The following CALCRL variants were observed in gnomAD, a reference collection of about 807,000 sequenced individuals.
CALCRL encodes the protein calcitonin gene-related peptide type 1 receptor.
A neutral mutation model predicts 60.4 loss-of-function variants in CALCRL; 27 were observed. The ratio of observed to expected loss-of-function variants is 0.45; its 90% CI spans 0.33 to 0.62. The LOEUF is 0.62. Ranked by LOEUF, CALCRL falls within the 20% of genes least tolerant of loss-of-function variation. The pLI is 0.03. For synonymous variants in CALCRL, 190 were observed against 182.6 expected (o/e 1.04, Z -0.33); for missense variants, 424 against 540.7 (o/e 0.78, Z 2.14).
chr2:187,391,479 A>T (rs1688443865), intron 1 of CALCRL, among the ~76,000 whole-genome samples: 1 of 152,130 alleles, frequency 6.6e-6, no homozygotes, highest in Admixed American at 6.6e-5. Context: ...CATATGTTCC[A>T]AGGTTTGTTT....
chr2:187,356,115 C>T (rs1020701061), intron 12 of CALCRL, among the ~76,000 whole-genome samples: 2 of 152,164 alleles, frequency 1.3e-5, no homozygotes, highest in Non-Finnish European at 2.9e-5. Flanking sequence ...CATCAAGCTA[C>T]TATTGACTTT....
At chr2:187,361,775 T>C (rs1687065961) in intron 9 of CALCRL, among the ~76,000 whole-genome samples, 1 of 151,984 alleles carries the variant, frequency 6.6e-6, no homozygotes, top group African/African-American at 2.4e-5. Context: ...TTTGCTAATA[T>C]TTATACATCA....
chr2:187,416,226 ATC>A (rs1242714956), intron 1 of CALCRL, among the ~76,000 whole-genome samples: 1 of 152,342 alleles, frequency 6.6e-6, no homozygotes, highest in African/African-American at 2.4e-5. Flanking sequence ...GTATAATTTT[ATC>A]TGTCAATTAA....
At chr2:187,416,095 G>C (rs1187463986) in intron 1 of CALCRL, among the ~76,000 whole-genome samples, 2 of 152,276 alleles carry the variant, frequency 1.3e-5, no homozygotes, top group Non-Finnish European at 1.5e-5. Flanking sequence ...TGCTAAGAGA[G>C]TGGATGTTGT....
chr2:187,346,009 C>T lies in CALCRL; in HGVS notation c.*175G>A. On this transcript the variant is annotated 3_prime_UTR_variant, in exon 15 of 15. Coordinates refer to ENST00000392370, the MANE Select transcript of CALCRL (RefSeq NM_005795.6). The stretch of plus-strand genomic sequence containing the variant: ...ATTACAAACCAGGATTTCTTTTTTC[C>T]CACATAGAGCTGGATGTTACACTCT... 1 of 492,190 alleles carries T rather than the reference C, an allele frequency of 2.0e-6. No homozygotes were observed. Among genetic ancestry groups the T allele is most frequent in the African/African-American group, 2.0e-5 (1 of 50,200 alleles). 30.5% of individuals were successfully genotyped at this position (492,190 alleles called of 1,614,324 possible).
Position 187,380,663 on chromosome 2 carries a change from A to G in CALCRL, c.295+14T>C, listed in dbSNP as rs774743022. ...AGATGTCAAGGAGATATGTAGATAC[A>G]TTTCTGCTTTTACCTGATGGATCAA... On this transcript the variant is annotated intron_variant, in intron 6 of 14. Transcript: ENST00000392370. 2 of 1,604,762 alleles carry G rather than the reference A, an allele frequency of 1.2e-6. No homozygotes were observed. Among genetic ancestry groups the G allele is most frequent in the Admixed American group, 1.7e-5 (1 of 60,004 alleles).
At chr2:187,363,162 A>G (rs1687130850) in intron 9 of CALCRL, among the ~76,000 whole-genome samples, 2 of 152,150 alleles carry the variant, frequency 1.3e-5, no homozygotes, top group Non-Finnish European at 2.9e-5. Flanking sequence ...CTCTGAGGGA[A>G]TACTCTGTAG....
At chr2:187,387,239 CTTA>C (rs978945233) in intron 3 of CALCRL, 87 bp downstream of exon 3, 5 of 152,174 alleles carry the variant, frequency 3.3e-5, no homozygotes, top group African/African-American at 7.2e-5. Context: ...ACAGGTTTTG[CTTA>C]TTATTCTTCT....
Position 187,346,160 on chromosome 2 carries a change from A to G in CALCRL, c.*24T>C, listed in dbSNP as rs1238589758. On this transcript the variant is annotated 3_prime_UTR_variant, in exon 15 of 15. Coordinates refer to ENST00000392370, the MANE Select transcript of CALCRL (RefSeq NM_005795.6). Reference sequence around the variant, plus strand: ...CCTTGAGTTAGGAGAAGCACAAAACAGTGAGACAACCATCCTTCTATTTTC... The same window carrying G: ...CCTTGAGTTAGGAGAAGCACAAAACGGTGAGACAACCATCCTTCTATTTTC... 3.4e-6 allele frequency: 5 copies of G among 1,469,106 alleles called. No individual in the cohort carries two copies. In the African/African-American group the frequency reaches 7.0e-5, roughly 21 times the overall value. 91.0% of individuals were successfully genotyped at this position (1,469,106 alleles called of 1,614,324 possible).
intron 1 of CALCRL, among the ~76,000 whole-genome samples, chr2:187,393,410 A>G (rs2105806813): frequency 6.6e-6 from 1 of 152,282 alleles, no homozygotes; most frequent in African/African-American, 2.4e-5. Flanking sequence ...TTTAAAAGCA[A>G]CTATAAAGTA....
intron 1 of CALCRL, among the ~76,000 whole-genome samples, chr2:187,388,865 G>A (rs1269091889): frequency 6.6e-6 from 1 of 151,904 alleles, no homozygotes; most frequent in Non-Finnish European, 1.5e-5. Context: ...AGGCAAAATT[G>A]CTTTTGCAAA....
intron 1 of CALCRL, among the ~76,000 whole-genome samples, chr2:187,442,637 C>A (rs1380487191): frequency 6.6e-6 from 1 of 151,728 alleles, no homozygotes; most frequent in East Asian, 1.9e-4. Context: ...ACTTGGAATC[C>A]TAAAAGCTGA....
At chr2:187,359,631 G>A (rs576069392) in intron 10 of CALCRL, among the ~76,000 whole-genome samples, 3 of 151,968 alleles carry the variant, frequency 2.0e-5, no homozygotes, top group Non-Finnish European at 2.9e-5. Context: ...CCAACATTTG[G>A]TACATTATCA....
At chr2:187,440,225 A>G (rs1266916754) in intron 1 of CALCRL, among the ~76,000 whole-genome samples, 2 of 152,102 alleles carry the variant, frequency 1.3e-5, no homozygotes. Context: ...GAAAAAAAAA[A>G]GCATGTCTGT....
At chr2:187,378,518 A>G (rs1242244004) in intron 8 of CALCRL, among the ~76,000 whole-genome samples, 1 of 152,162 alleles carries the variant, frequency 6.6e-6, no homozygotes, top group Non-Finnish European at 1.5e-5. Context: ...TATTTAGATT[A>G]TATTTTTGAT....
At chr2:187,388,901 C>T (rs911770103) in intron 1 of CALCRL, among the ~76,000 whole-genome samples, 3 of 151,870 alleles carry the variant, frequency 2.0e-5, no homozygotes, top group African/African-American at 7.3e-5. Context: ...TAACATAGTA[C>T]CTGACACAAC....
chr2:187,402,440 T>TGAGA (rs144627472), intron 1 of CALCRL, among the ~76,000 whole-genome samples: 4 of 149,170 alleles, frequency 2.7e-5, no homozygotes, highest in Middle Eastern at 6.8e-3. Flanking sequence ...TGTGTGTATG[T>TGAGA]GAGAGAGAGA....
intron 1 of CALCRL, among the ~76,000 whole-genome samples, chr2:187,445,292 G>A (rs943854496): frequency 2.6e-5 from 4 of 151,398 alleles, no homozygotes; most frequent in Admixed American, 1.3e-4. Flanking sequence ...CATAAGATAC[G>A]CAATAAAGCA....
At chr2:187,434,170 T>A (rs1390866404) in intron 1 of CALCRL, among the ~76,000 whole-genome samples, 2 of 152,118 alleles carry the variant, frequency 1.3e-5, no homozygotes, top group African/African-American at 4.8e-5. Context: ...TCTGTGTTCT[T>A]GTTCATGAGA....
Sources: gnomAD v4.1 joint callset for allele counts (sites outside exome capture counted in the v4.1 genomes callset) on GRCh38, gnomAD v4.1.1 for gene constraint, MANE v1.5 for transcripts, NCBI Gene and HGNC (gene_info 2026-07-23, HGNC 2026-07-21) for gene names.